TICRR: variants seen among roughly 807,000 people sequenced by gnomAD.
The protein encoded by TICRR is TOPBP1 interacting checkpoint and replication regulator.
TICRR carries 132 observed loss-of-function variants against 178.1 expected under a neutral mutation model. That is an observed-to-expected ratio of 0.74 (90% CI 0.64 to 0.86). TICRR has a LOEUF of 0.86. TICRR is among the 40% of genes least tolerant of loss of function. TICRR has a pLI of 0.00. For missense variants in TICRR, 2,587 were observed against 2,334.3 expected (o/e 1.11, Z -2.23); for synonymous variants, 991 against 900.7 (o/e 1.10, Z -1.79).
intron 7 of TICRR, among the ~76,000 whole-genome samples, chr15:89,598,811 G>C (rs909368023): frequency 1.3e-5 from 2 of 152,000 alleles, no homozygotes; most frequent in African/African-American, 4.8e-5. Context: ...TTCAAGACCA[G>C]CCTGGGCAAC....
intron 5 of TICRR, among the ~76,000 whole-genome samples, chr15:89,594,189 A>G (rs1962958344): frequency 2.6e-5 from 4 of 152,326 alleles, no homozygotes; most frequent in African/African-American, 9.6e-5. Context: ...ATTATATGTA[A>G]TGGTTAATGG....
Position 89,595,417 on chromosome 15 carries a change from G to T in TICRR, c.1706G>T (p.Arg569Ile), listed in dbSNP as rs1190581315. ...GGAGGGGTCCCTCGTACTCCAGTGA[G>T]ACAGAAGATGAATACCATGTGCCGT... ...KKRGVPRTPVRQKMNTMCRSL... is the reference protein window; with the variant it reads ...KKRGVPRTPVIQKMNTMCRSL... Residue 569 changes from arginine (R) to isoleucine (I), a missense_variant, in exon 7 of 22, where the codon AGA becomes ATA. Physicochemically the swap from Arg to Ile is moderately conservative, Grantham distance 97. Transcript: ENST00000268138. 1 of 1,613,936 alleles carries T rather than the reference G, an allele frequency of 6.2e-7. No individual in the cohort carries two copies. Among genetic ancestry groups the T allele is most frequent in the African/African-American group, 1.3e-5 (1 of 74,918 alleles).
Position 89,618,166 on chromosome 15 carries a change from G to C in TICRR, c.2975G>C (p.Gly992Ala). ...GGTTCCTCGAGGTCCTCTGATCCTG[G>C]TCCTGATATTGGTGTTGTTGAAGAG... ...RQIKGRSSDP[G>A]PDIGVVEESP... The change falls in exon 17 of 22, where the codon GGT becomes GCT. Residue 992 changes from glycine (G) to alanine (A), a missense_variant. Gly to Ala is a moderately conservative substitution (Grantham distance 60). Transcript: ENST00000268138. The C allele has an allele frequency of 1.9e-6, 3 of 1,614,124 alleles. No individual in the cohort carries two copies. The highest frequency in any genetic ancestry group is 2.5e-6 in the Non-Finnish European group (3 of 1,180,018).
At position 89,602,886 on chromosome 15, in the gene TICRR, G is replaced by A. The variant is rs543868918; in HGVS notation, c.2658G>A (p.Thr886=). The A allele has an allele frequency of 4.6e-6, 7 of 1,509,382 alleles. No homozygotes were observed. The highest frequency in any genetic ancestry group is 4.1e-5 in the South Asian group (3 of 72,478). 93.5% of individuals were successfully genotyped at this position (1,509,382 alleles called of 1,614,324 possible). A position where few individuals can be genotyped will look rare whatever the true frequency, so the allele number is the denominator to read the frequency against. The change falls in exon 13 of 22, where the codon ACG becomes ACA. Residue 886 remains threonine (T), a synonymous_variant. Coordinates refer to ENST00000268138, the MANE Select transcript of TICRR (RefSeq NM_152259.4). ...IEIPKVSKRA[T]KKENSHPAPQ... ...TTCCTAAAGTGTCAAAGAGAGCTAC[G>A]AAAAAAGTAAGTAAACCTTCCAGCT... is the stretch of plus-strand genomic sequence containing the variant.
At position 89,625,768 on chromosome 15, in the gene TICRR, G is replaced by C. The variant is rs559916984; in HGVS notation, c.5458G>C (p.Glu1820Gln). The stretch of plus-strand genomic sequence containing the variant: ...ATGGCAGCTACCCTCCACGGGAGAC[G>C]AAGAGGTGTTTGTTTCCGGTGAGTT... ...SAWQLPSTGD[E>Q]EVFVSGSTPP... is the part of the protein sequence containing the mutation. The change falls in exon 20 of 22, where the codon GAA becomes CAA. Residue 1820 changes from glutamate (E) to glutamine (Q), a missense_variant. Coordinates refer to ENST00000268138, the MANE Select transcript of TICRR (RefSeq NM_152259.4). The C allele has an allele frequency of 1.9e-6, 3 of 1,604,618 alleles. No individual in the cohort carries two copies. The highest frequency in any genetic ancestry group is 3.4e-5 in the Admixed American group (2 of 59,158).
In TICRR at chr15:89,602,853, A is replaced by G; in HGVS notation, c.2625A>G (p.Gln875=). 6.5e-7 allele frequency: 1 copy of G among 1,532,732 alleles called. No individual in the cohort carries two copies. The highest frequency in any genetic ancestry group is 8.8e-7 in the Non-Finnish European group (1 of 1,141,460). 94.9% of individuals were successfully genotyped at this position (1,532,732 alleles called of 1,614,324 possible). The change falls in exon 13 of 22, where the codon CAA becomes CAG. Residue 875 remains glutamine, a synonymous_variant. Coordinates refer to ENST00000268138, the MANE Select transcript of TICRR (RefSeq NM_152259.4). ...CTGAGGTTTCACAGAATCTTCGACA[A>G]ATTGAAATTCCTAAAGTGTCAAAGA... The part of the protein sequence containing the change: ...SIAEVSQNLR[Q]IEIPKVSKRA...
chr15:89,625,768 G>A lies in TICRR; in HGVS notation c.5458G>A (p.Glu1820Lys), dbSNP rs559916984. 24 of 1,604,618 alleles carry A rather than the reference G, an allele frequency of 1.5e-5. No individual in the cohort carries two copies. Among genetic ancestry groups the A allele is most frequent in the African/African-American group, 5.4e-5 (4 of 74,708 alleles). Residue 1820 changes from glutamate to lysine, a missense_variant, in exon 20 of 22, where the codon GAA becomes AAA. Physicochemically the swap from Glu to Lys is moderately conservative, Grantham distance 56. Transcript: ENST00000268138. Reference protein sequence around the residue: ...SAWQLPSTGDEEVFVSGSTPP... With the variant: ...SAWQLPSTGDKEVFVSGSTPP... ...ATGGCAGCTACCCTCCACGGGAGAC[G>A]AAGAGGTGTTTGTTTCCGGTGAGTT...
At position 89,625,794 on chromosome 15, in the gene TICRR, C is replaced by T. The variant is rs201836679; in HGVS notation, c.5476+8C>T. On this transcript the variant is annotated splice_region_variant and intron_variant, in intron 20 of 21. Coordinates refer to ENST00000268138, the MANE Select transcript of TICRR (RefSeq NM_152259.4). Reference sequence around the variant, plus strand: ...AAGAGGTGTTTGTTTCCGGTGAGTTCGTTTTTGAAACCCAGTTTCCTCATG... The same window carrying T: ...AAGAGGTGTTTGTTTCCGGTGAGTTTGTTTTTGAAACCCAGTTTCCTCATG... The T allele has an allele frequency of 3.3e-5, 52 of 1,588,370 alleles. No homozygotes were observed. Among genetic ancestry groups the T allele is most frequent in the Non-Finnish European group, 2.2e-5 (26 of 1,166,116 alleles).
Position 89,576,187 on chromosome 15 carries a change from A to T in TICRR, c.601A>T (p.Met201Leu), listed in dbSNP as rs747291023. ...GTTGCCCAAGAGAGTCCGGGAAGTC[A>T]TGGTCGCCCGAAAAATCACCTTCTA... ...KLLPKRVREVMVARKITFYWV... is the reference protein window; with the variant it reads ...KLLPKRVREVLVARKITFYWV... The change falls in exon 1 of 22, where the codon ATG becomes TTG. Residue 201 changes from methionine (M) to leucine (L), a missense_variant. By Grantham distance (15) the Met-to-Leu change is conservative (BLOSUM62 2). Transcript: ENST00000268138. The T allele has an allele frequency of 5.6e-6, 9 of 1,599,324 alleles. No individual in the cohort carries two copies. The highest frequency in any genetic ancestry group is 5.3e-5 in the African/African-American group (4 of 74,892).
At position 89,626,127 on chromosome 15, in the gene TICRR, A is replaced by G. The variant is rs971238246; in HGVS notation, c.5602+66A>G. On this transcript the variant is annotated intron_variant, in intron 21 of 21. Coordinates refer to ENST00000268138, the MANE Select transcript of TICRR (RefSeq NM_152259.4). ...ACTGTCTGAATTCACCAGGGTTGCC[A>G]GGCAGCTCGATTCTAGAGGAGCCCC... 4.4e-6 allele frequency: 7 copies of G among 1,581,994 alleles called. No individual in the cohort carries two copies. The Admixed American group carries it at 1.3e-4, about 29-fold the overall frequency.
intron 18 of TICRR, 33 bp downstream of exon 18, chr15:89,619,875 C>T (rs1963396220): frequency 5.7e-6 from 9 of 1,567,402 alleles, no homozygotes; most frequent in South Asian, 1.2e-5. Flanking sequence ...TTCACAAGTC[C>T]GTGCTGACTT....
At chr15:89,590,231 G>A (rs998974759) in intron 4 of TICRR, among the ~76,000 whole-genome samples, 21 of 152,068 alleles carry the variant, frequency 1.4e-4, no homozygotes, top group African/African-American at 5.1e-4. Flanking sequence ...ACAGCACTGC[G>A]CTCCTCTGGC....
Position 89,592,082 on chromosome 15 carries a change from G to T in TICRR, c.1447G>T (p.Gly483Cys). ...PVPEWAQQEL[G>C]HTTPWSPAVV... ...TCCAGAGTGGGCCCAGCAGGAGCTT[G>T]GCCACACCACTCCCTGGAGTCCAGC... is the stretch of plus-strand genomic sequence containing the variant. The change falls in exon 5 of 22, where the codon GGC (glycine) becomes TGC (cysteine). Residue 483 changes from glycine to cysteine, a missense_variant. By Grantham distance (159) the Gly-to-Cys change is radical (BLOSUM62 -3). Coordinates refer to ENST00000268138, the MANE Select transcript of TICRR (RefSeq NM_152259.4). The T allele has an allele frequency of 6.2e-7, 1 of 1,612,410 alleles. No individual in the cohort carries two copies.
At chr15:89,578,356 G>A (rs1567038575) in intron 1 of TICRR, among the ~76,000 whole-genome samples, 1 of 152,202 alleles carries the variant, frequency 6.6e-6, no homozygotes, top group East Asian at 1.9e-4. Flanking sequence ...AAAAAGGCGT[G>A]GCAAATGCAA....
At chr15:89,589,982 C>A (rs966164742) in intron 4 of TICRR, among the ~76,000 whole-genome samples, 3 of 151,994 alleles carry the variant, frequency 2.0e-5, no homozygotes, top group African/African-American at 7.2e-5. Context: ...AATAAAAATT[C>A]TAGTTTGATT....
chr15:89,625,722 G>A lies in TICRR; in HGVS notation c.5412G>A (p.Glu1804=), dbSNP rs1963510260. 1.9e-6 allele frequency: 3 copies of A among 1,613,372 alleles called. No individual in the cohort carries two copies. Among genetic ancestry groups the A allele is most frequent in the Non-Finnish European group, 2.5e-6 (3 of 1,180,018 alleles). ...ATTCAGAAGTTAGTAAGAGTAAAGA[G>A]GGGTCTCCAAGTTGGAGTGCATGGC... ...REDSEVSKSK[E]GSPSWSAWQL... is the part of the protein sequence containing the mutation. The change falls in exon 20 of 22, where the codon GAG becomes GAA. Residue 1804 remains glutamate, a synonymous_variant. Coordinates refer to ENST00000268138, the MANE Select transcript of TICRR (RefSeq NM_152259.4).
chr15:89,592,285 A>C, intron 5 of TICRR, 109 bp downstream of exon 5: 1 of 855,582 alleles, frequency 1.2e-6, no homozygotes, highest in Non-Finnish European at 1.7e-6. Context: ...AATAATATTA[A>C]AAAGTAGTTA....
intron 19 of TICRR, 86 bp from the exon 20 acceptor site, chr15:89,623,537 C>T (rs1449510488): frequency 9.1e-6 from 12 of 1,318,054 alleles, no homozygotes; most frequent in Middle Eastern, 4.3e-4. Flanking sequence ...CTATAAATCT[C>T]CCATTTGGTC....
intron 7 of TICRR, among the ~76,000 whole-genome samples, chr15:89,596,007 T>C (rs193123945): frequency 6.6e-6 from 1 of 151,674 alleles, no homozygotes; most frequent in Admixed American, 6.6e-5. Flanking sequence ...CTAGTAAAGG[T>C]GTGTGAAATG....
Sources: allele counts gnomAD v4.1 joint callset (sites outside exome capture counted in the v4.1 genomes callset), GRCh38; gene constraint gnomAD v4.1.1; transcripts MANE v1.5; gene names NCBI Gene and HGNC (gene_info 2026-07-23, HGNC 2026-07-21).